The following BTD variants were observed in gnomAD, a reference collection of about 807,000 sequenced individuals.
BTD encodes the protein biotinidase.
A neutral mutation model predicts 17.7 loss-of-function variants in BTD; 13 were observed. The observed-to-expected ratio is 0.74, with a 90% CI of 0.48 to 1.17. The LOEUF (loss-of-function observed/expected upper bound fraction) is 1.17, where lower values mean the gene tolerates loss of function less well. Among genes scored for constraint, BTD ranks in the 50% most tolerant of loss-of-function variants. The probability of loss-of-function intolerance (pLI) is 0.00; values close to 1 mark genes in which losing one functional copy is unlikely to be tolerated. For synonymous variants in BTD, 240 were observed against 245.2 expected, an observed-to-expected ratio of 0.98 and a Z score of 0.20; for missense variants, 674 against 650.4, an observed-to-expected ratio of 1.04 and a Z score of -0.39.
Position 15,649,119 on chromosome 3 carries a change from A to G in BTD, c.*3631A>G, listed in dbSNP as rs899285379. Among the ~76,000 whole-genome samples the G allele has an allele frequency of 2.6e-5, 4 of 152,212 alleles. No homozygotes were observed. The highest frequency in any genetic ancestry group is 9.6e-5 in the African/African-American group (4 of 41,452). On this transcript the variant is annotated 3_prime_UTR_variant, in exon 4 of 4. Coordinates refer to ENST00000643237, the MANE Select transcript of BTD (RefSeq NM_001370658.1). ...GTACTTTGATATGGCAGACCTAGGA[A>G]ACAAATACAGAGGATCACTTGCAAA...
At chr3:15,633,231 A>T (rs924405831) in intron 1 of BTD, among the ~76,000 whole-genome samples, 1 of 152,094 alleles carries the variant, frequency 6.6e-6, no homozygotes, top group Non-Finnish European at 1.5e-5. Context: ...AGTAATTTCA[A>T]TCCAAGGTTG....
chr3:15,645,787 A>T lies in BTD; in HGVS notation c.*299A>T. On this transcript the variant is annotated 3_prime_UTR_variant, in exon 4 of 4. Transcript: ENST00000643237. ...TGCGATTGGTCTCAAGCTAAAACAAAAATAAATGTCAGTTTATATTTTACA... is the reference window on the plus strand; with the variant it reads ...TGCGATTGGTCTCAAGCTAAAACAATAATAAATGTCAGTTTATATTTTACA... 3.0e-6 allele frequency: 1 copy of T among 329,208 alleles called. No individual in the cohort carries two copies. Among genetic ancestry groups the T allele is most frequent in the Non-Finnish European group, 5.6e-6 (1 of 179,806 alleles). The allele number at this position is 329,208 out of a possible 1,614,324, so 20.4% of individuals were successfully genotyped here. A position where few individuals can be genotyped will look rare whatever the true frequency, so the allele number is the denominator to read the frequency against.
At chr3:15,609,848 T>C (rs1354439200) in intron 1 of BTD, among the ~76,000 whole-genome samples, 1 of 152,146 alleles carries the variant, frequency 6.6e-6, no homozygotes, top group Non-Finnish European at 1.5e-5. Context: ...ATAAAGGGTT[T>C]TTTTATAGTC....
At chr3:15,619,690 G>T (rs190808335) in intron 1 of BTD, among the ~76,000 whole-genome samples, 58 of 152,338 alleles carry the variant, frequency 3.8e-4, no homozygotes, top group Admixed American at 2.5e-3. Flanking sequence ...TTGCTCTGTA[G>T]TTGTATTAGT....
upstream of BTD, chr3:15,601,520 G>A: frequency 4.4e-6 from 7 of 1,608,988 alleles, no homozygotes; most frequent in Non-Finnish European, 5.9e-6. Flanking sequence ...GAATCATCCA[G>A]CAAGGCAAAC....
downstream of BTD, among the ~76,000 whole-genome samples, chr3:15,655,617 A>C (rs1457875408): frequency 6.6e-6 from 1 of 152,222 alleles, no homozygotes; most frequent in Admixed American, 6.5e-5. Context: ...GTGTGACCTC[A>C]GCCATGTACC....
chr3:15,707,927 C>A, intron 3 of BTD: 2 of 1,612,556 alleles, frequency 1.2e-6, no homozygotes. Context: ...TACTTACTTG[C>A]CATCTGTGTC....
At position 15,645,048 on chromosome 3, in the gene BTD, A is replaced by G; in HGVS notation, c.1132A>G (p.Met378Val). The G allele has an allele frequency of 6.2e-7, 1 of 1,614,212 alleles. No individual in the cohort carries two copies. Among genetic ancestry groups the G allele is most frequent in the Non-Finnish European group, 8.5e-7 (1 of 1,180,036 alleles). Residue 378 changes from methionine to valine, a missense_variant, in exon 4 of 4, where the codon ATG (methionine) becomes GTG (valine). Transcript: ENST00000643237. ...VNAPPTFHSEMMYDNFTLVPV... is the reference protein window; with the variant it reads ...VNAPPTFHSEVMYDNFTLVPV... ...TGCTCCTCCCACATTTCACTCTGAG[A>G]TGATGTATGACAATTTCACCCTGGT... is the stretch of plus-strand genomic sequence containing the variant.
chr3:15,662,853 G>GTTTTT (rs34083448), intron 3 of BTD, among the ~76,000 whole-genome samples: 2 of 126,572 alleles, frequency 1.6e-5, no homozygotes, highest in East Asian at 4.5e-4. Flanking sequence ...CAGGCTGGAG[G>GTTTTT]TTTTTTTTTT....
chr3:15,670,325 T>C (rs2066215828), intron 3 of BTD: 1 of 1,613,822 alleles, frequency 6.2e-7, no homozygotes, highest in African/African-American at 1.3e-5. Flanking sequence ...GTATAAGTAC[T>C]CCTGTTCCCC....
intron 3 of BTD, among the ~76,000 whole-genome samples, chr3:15,688,554 T>C (rs1484704484): frequency 4.6e-5 from 7 of 152,228 alleles, no homozygotes; most frequent in Admixed American, 4.6e-4. Context: ...TATTAAAATA[T>C]TTTTCTCAGC....
chr3:15,629,028 TA>T (rs2065138544), intron 1 of BTD, among the ~76,000 whole-genome samples: 1 of 152,180 alleles, frequency 6.6e-6, no homozygotes, highest in African/African-American at 2.4e-5. Context: ...TCAAATTGTT[TA>T]GGGGAGATTT....
intron 3 of BTD, chr3:15,685,889 A>G: frequency 1.3e-6 from 1 of 796,242 alleles, no homozygotes; most frequent in South Asian, 1.9e-5. Context: ...AAGAAATGGT[A>G]AAGACTATTT....
rs950439218 is a variant in BTD, at chr3:15,648,551, C to T, written c.*3063C>T. 6.6e-6 allele frequency among the ~76,000 whole-genome samples: 1 copy of T among 152,196 alleles called. No homozygotes were observed. The highest frequency in any genetic ancestry group is 2.1e-4 in the South Asian group (1 of 4,822). ...AGTTCTGTGGGGCAGGAAAGCGGGTCTCTCATGAGGCTACAGTCAAGATGT... is the reference window on the plus strand; with the variant it reads ...AGTTCTGTGGGGCAGGAAAGCGGGTTTCTCATGAGGCTACAGTCAAGATGT... On this transcript the variant is annotated 3_prime_UTR_variant, in exon 4 of 4. Transcript: ENST00000643237.
chr3:15,690,329 T>C, intron 3 of BTD: 3 of 912,360 alleles, frequency 3.3e-6, no homozygotes, highest in Non-Finnish European at 4.8e-6. Context: ...TTATCCTACT[T>C]GAGATAATCC....
rs376558875 is a variant in BTD, at chr3:15,648,177, C to T, written c.*2689C>T. On this transcript the variant is annotated 3_prime_UTR_variant, in exon 4 of 4. Transcript: ENST00000643237. ...TCCTCAGAGAGGACCGATGGTGAGTCGGCCGCTCTTGATTCTCAATGAAAC... is the reference window on the plus strand; with the variant it reads ...TCCTCAGAGAGGACCGATGGTGAGTTGGCCGCTCTTGATTCTCAATGAAAC... Among the ~76,000 whole-genome samples, 89 of 152,336 alleles carry T rather than the reference C, an allele frequency of 5.8e-4. No individual in the cohort carries two copies. The highest frequency in any genetic ancestry group is 1.0e-3 in the Admixed American group (16 of 15,300).
chr3:15,654,056 C>G (rs566743055), downstream of BTD, among the ~76,000 whole-genome samples: 105 of 152,340 alleles, frequency 6.9e-4, no homozygotes, highest in African/African-American at 2.5e-3. Flanking sequence ...TTATTATCAC[C>G]TAGTGTTCAT....
At chr3:15,642,520 T>A (rs902179801) in intron 3 of BTD, among the ~76,000 whole-genome samples, 1 of 150,366 alleles carries the variant, frequency 6.7e-6, no homozygotes, top group Non-Finnish European at 1.5e-5. Context: ...AGTGGCGCGA[T>A]CTCAGCTCAC....
intron 4 of BTD, among the ~76,000 whole-genome samples, chr3:15,720,114 C>T (rs2073540473): frequency 6.6e-6 from 1 of 152,102 alleles, no homozygotes; most frequent in Non-Finnish European, 1.5e-5. Context: ...TCCTCCTACC[C>T]TGGCCTCCCA....
Sources: allele counts gnomAD v4.1 joint callset (sites outside exome capture counted in the v4.1 genomes callset), GRCh38; gene constraint gnomAD v4.1.1; transcripts MANE v1.5; gene names NCBI Gene and HGNC (gene_info 2026-07-23, HGNC 2026-07-21).